Variants in HSDL2 observed in about 807,000 individuals in gnomAD.
HSDL2 encodes the protein hydroxysteroid dehydrogenase like 2, also known as hydroxysteroid dehydrogenase-like protein 2.
HSDL2 carries 27 observed loss-of-function variants against 46.3 expected under a neutral mutation model. That is an observed-to-expected ratio of 0.58 (90% CI 0.43 to 0.80). The LOEUF is 0.80. Among genes scored for constraint, HSDL2 ranks in the 30% least tolerant of loss-of-function variants. The pLI is 0.00. For synonymous variants in HSDL2, 153 were observed against 163.6 expected (o/e 0.94, Z 0.50); for missense variants, 451 against 502.7 (o/e 0.90, Z 0.98).
At chr9:112,407,788 A>G (rs763490728) in intron 3 of HSDL2, among the ~76,000 whole-genome samples, 1 of 152,230 alleles carries the variant, frequency 6.6e-6, no homozygotes, top group Non-Finnish European at 1.5e-5. Context: ...TCCTATTTTT[A>G]AGTGTACAGT....
chr9:112,402,960 C>T lies in HSDL2; in HGVS notation c.18-1035C>T, dbSNP rs191960061. Among the ~76,000 whole-genome samples, 1,078 of 151,410 alleles carry T rather than the reference C, an allele frequency of 7.1e-3. 12 individuals carry two copies. The highest frequency in any genetic ancestry group is 0.025 in the African/African-American group (1,027 of 41,214). On this transcript the variant is annotated intron_variant, in intron 1 of 10. Transcript: ENST00000398805. ...CTGTGTCTCAAAAGAAAAAAAAACA[C>T]ACACACACACACAAAACACACACAC...
intron 1 of HSDL2, among the ~76,000 whole-genome samples, 157 bp from the exon 2 acceptor site, chr9:112,403,838 T>C (rs186081435): frequency 6.6e-6 from 1 of 152,188 alleles, no homozygotes; most frequent in Admixed American, 6.5e-5. Flanking sequence ...AATGGGAGTA[T>C]AGTGGAGTTA....
intron 10 of HSDL2, among the ~76,000 whole-genome samples, chr9:112,468,226 G>GTC (rs1298866324): frequency 6.6e-6 from 1 of 152,068 alleles, no homozygotes; most frequent in African/African-American, 2.4e-5. Context: ...CTCTGTGGTA[G>GTC]TCTGATATTT....
intron 9 of HSDL2, among the ~76,000 whole-genome samples, chr9:112,454,816 C>T (rs976990442): frequency 6.6e-6 from 1 of 151,762 alleles, no homozygotes; most frequent in Non-Finnish European, 1.5e-5. Flanking sequence ...AGTGATTCTC[C>T]TGCCTCAGCC....
At chr9:112,380,219 G>A in intron 1 of HSDL2, 39 bp downstream of exon 1, 3 of 1,530,720 alleles carry the variant, frequency 2.0e-6, no homozygotes, top group Non-Finnish European at 2.6e-6. Flanking sequence ...GACCCTGTCG[G>A]GCGAAGGGCG....
chr9:112,463,862 T>C (rs1833289090), intron 10 of HSDL2, among the ~76,000 whole-genome samples: 1 of 151,856 alleles, frequency 6.6e-6, no homozygotes. Context: ...GGTTTCACCA[T>C]GTTGGCCAGG....
chr9:112,431,870 CTTTCT>C (rs1358565988), intron 6 of HSDL2, among the ~76,000 whole-genome samples: 3 of 110,940 alleles, frequency 2.7e-5, no homozygotes, highest in African/African-American at 3.5e-5. Flanking sequence ...TCAGGTATTT[CTTTCT>C]TTTTTTTTTT....
chr9:112,468,117 T>C (rs1297507094), intron 10 of HSDL2, among the ~76,000 whole-genome samples: 1 of 152,236 alleles, frequency 6.6e-6, no homozygotes, highest in East Asian at 1.9e-4. Context: ...CATTGCTTTA[T>C]CATCTTAAGA....
intron 10 of HSDL2, among the ~76,000 whole-genome samples, chr9:112,463,374 C>A (rs2132711769): frequency 6.6e-6 from 1 of 151,736 alleles, no homozygotes; most frequent in Non-Finnish European, 1.5e-5. Context: ...TTCCAAAGTC[C>A]TGGGATTACA....
chr9:112,448,480 G>A (rs1051277300), intron 8 of HSDL2, among the ~76,000 whole-genome samples: 2 of 151,688 alleles, frequency 1.3e-5, no homozygotes, highest in Non-Finnish European at 2.9e-5. Context: ...ATGGTAAATG[G>A]GTACTTTTTC....
intron 10 of HSDL2, among the ~76,000 whole-genome samples, chr9:112,460,419 C>CT (rs1386910820): frequency 3.3e-5 from 5 of 152,130 alleles, no homozygotes; most frequent in Non-Finnish European, 5.9e-5. Flanking sequence ...CAACTTTTCC[C>CT]TTTTTTTATA....
At chr9:112,446,556 A>T (rs1479813557) in intron 8 of HSDL2, among the ~76,000 whole-genome samples, 1 of 152,178 alleles carries the variant, frequency 6.6e-6, no homozygotes, top group African/African-American at 2.4e-5. Context: ...ACTTGAGCCC[A>T]GGAGTTCAAG....
intron 6 of HSDL2, among the ~76,000 whole-genome samples, 157 bp from the exon 7 acceptor site, chr9:112,438,274 G>C (rs1832569947): frequency 6.6e-6 from 1 of 152,072 alleles, no homozygotes; most frequent in Admixed American, 6.6e-5. Context: ...AAAAAATTTG[G>C]CAAATCCCTT....
At position 112,413,499 on chromosome 9, in the gene HSDL2, A is replaced by G. The variant is rs571259667; in HGVS notation, c.396-3342A>G. Reference sequence around the variant, plus strand: ...AAATTCCCTCTCAAAAAAAAAGAAAAAAAAGAAAAGAAAAGAAATATTTCT... The same window carrying G: ...AAATTCCCTCTCAAAAAAAAAGAAAGAAAAGAAAAGAAAAGAAATATTTCT... On this transcript the variant is annotated intron_variant, in intron 4 of 10. Coordinates refer to ENST00000398805, the MANE Select transcript of HSDL2 (RefSeq NM_032303.5). Among the ~76,000 whole-genome samples, 615 of 151,440 alleles carry G rather than the reference A, an allele frequency of 4.1e-3. 2 individuals are homozygous for G. Among genetic ancestry groups the G allele is most frequent in the African/African-American group, 0.014 (575 of 41,284 alleles).
chr9:112,451,171 T>C (rs577079290), intron 8 of HSDL2, among the ~76,000 whole-genome samples: 15 of 152,032 alleles, frequency 9.9e-5, no homozygotes, highest in African/African-American at 1.7e-4. Flanking sequence ...GGTGACAGAG[T>C]AAGCCCATCT....
chr9:112,460,658 G>A (rs1048797511), intron 10 of HSDL2, among the ~76,000 whole-genome samples: 4 of 152,090 alleles, frequency 2.6e-5, no homozygotes, highest in Admixed American at 2.6e-4. Context: ...AAGGTAGGAG[G>A]ATTGCCTGAG....
At chr9:112,444,119 T>G (rs949800946) in intron 8 of HSDL2, among the ~76,000 whole-genome samples, 1 of 152,252 alleles carries the variant, frequency 6.6e-6, no homozygotes, top group African/African-American at 2.4e-5. Context: ...TCTGTGTGGT[T>G]CAGTCAATAG....
At chr9:112,435,128 CTTGAGTTTTGAGTGCCT>C (rs1174651019) in intron 6 of HSDL2, among the ~76,000 whole-genome samples, 7 of 152,072 alleles carry the variant, frequency 4.6e-5, no homozygotes, top group African/African-American at 1.7e-4. Context: ...TGGCCCACTC[CTTGAGTTTTGAGTGCCT>C]AGTTGTACCT....
chr9:112,405,371 C>CAAA (rs1478253267), intron 2 of HSDL2, among the ~76,000 whole-genome samples: 1 of 152,026 alleles, frequency 6.6e-6, no homozygotes, highest in African/African-American at 2.4e-5. Flanking sequence ...AACAAACAAA[C>CAAA]AAAAAACTTC....
Sources: gnomAD v4.1 joint callset for allele counts (sites outside exome capture counted in the v4.1 genomes callset) on GRCh38, gnomAD v4.1.1 for gene constraint, MANE v1.5 for transcripts, NCBI Gene and HGNC (gene_info 2026-07-23, HGNC 2026-07-21) for gene names.